Variants in COL25A1 observed in about 807,000 individuals in gnomAD.
The protein encoded by COL25A1 is collagen type XXV alpha 1 chain.
In COL25A1, 103 loss-of-function variants were observed where a neutral mutation model predicts 128.4. The ratio of observed to expected loss-of-function variants is 0.80; its 90% confidence interval spans 0.68 to 0.94. The LOEUF is 0.94. Among genes scored for constraint, COL25A1 ranks in the 40% least tolerant of loss-of-function variants. The pLI, the probability that COL25A1 is intolerant of heterozygous loss-of-function variation, is 0.00. For synonymous variants in COL25A1, 279 were observed against 277.2 expected (o/e 1.01, Z -0.06); for missense variants, 745 against 840.0 (o/e 0.89, Z 1.40).
chr4:108,881,171 C>T (rs1740074183), intron 19 of COL25A1, among the ~76,000 whole-genome samples: 2 of 152,144 alleles, frequency 1.3e-5, no homozygotes, highest in Non-Finnish European at 2.9e-5. Context: ...TATGCCTGTT[C>T]TCAGTGACTT....
chr4:109,220,148 C>CA (rs1778311423), intron 3 of COL25A1, among the ~76,000 whole-genome samples: 2 of 152,132 alleles, frequency 1.3e-5, no homozygotes, highest in South Asian at 2.1e-4. Context: ...AAAATTCATC[C>CA]AAAAAACACA....
chr4:108,835,861 C>T (rs1292263338), intron 31 of COL25A1, among the ~76,000 whole-genome samples: 82 of 45,712 alleles, frequency 1.8e-3, no homozygotes, highest in Non-Finnish European at 2.7e-3. Context: ...TTACATACGT[C>T]TTTTTTTTTT....
At chr4:109,106,486 A>T (rs926143890) in intron 3 of COL25A1, among the ~76,000 whole-genome samples, 4 of 152,072 alleles carry the variant, frequency 2.6e-5, no homozygotes, top group Middle Eastern at 3.2e-3. Context: ...TGTGATTAAG[A>T]CTGTTATGCT....
intron 3 of COL25A1, among the ~76,000 whole-genome samples, chr4:109,289,146 G>A (rs72672627): frequency 2.6e-4 from 39 of 152,096 alleles, no homozygotes; most frequent in Middle Eastern, 3.4e-3. Context: ...CTGATTCTTT[G>A]AGAGCTGTTT....
intron 8 of COL25A1, among the ~76,000 whole-genome samples, chr4:108,958,159 T>C (rs1343374712): frequency 1.3e-5 from 2 of 152,076 alleles, no homozygotes; most frequent in African/African-American, 4.8e-5. Context: ...CAAAAAAAAA[T>C]CAAATAATAC....
intron 3 of COL25A1, among the ~76,000 whole-genome samples, chr4:109,199,324 T>C (rs865923720): frequency 6.1e-4 from 93 of 152,048 alleles, no homozygotes; most frequent in African/African-American, 1.8e-3. Flanking sequence ...TGTTTTTCTT[T>C]TTCTAGAGAC....
At chr4:108,879,634 A>T (rs1475641447) in intron 19 of COL25A1, among the ~76,000 whole-genome samples, 1 of 151,838 alleles carries the variant, frequency 6.6e-6, no homozygotes, top group South Asian at 2.1e-4. Flanking sequence ...TTTAGTAGAG[A>T]TGTGGTTTCA....
At chr4:108,954,806 A>G (rs1461775699) in intron 8 of COL25A1, among the ~76,000 whole-genome samples, 2 of 152,116 alleles carry the variant, frequency 1.3e-5, no homozygotes, top group Non-Finnish European at 2.9e-5. Context: ...GCTGTTAAAT[A>G]AAAGAGAAAA....
intron 6 of COL25A1, among the ~76,000 whole-genome samples, chr4:108,987,583 C>G (rs1158269710): frequency 6.6e-6 from 1 of 152,034 alleles, no homozygotes; most frequent in Non-Finnish European, 1.5e-5. Flanking sequence ...ACCATCTTGG[C>G]CAGGCTGATC....
chr4:109,168,828 A>G (rs1005125878), intron 3 of COL25A1, among the ~76,000 whole-genome samples: 2 of 152,200 alleles, frequency 1.3e-5, no homozygotes, highest in African/African-American at 4.8e-5. Context: ...TTTTTAAACC[A>G]AATTTCTTAG....
intron 3 of COL25A1, among the ~76,000 whole-genome samples, chr4:109,081,469 T>C (rs1763829174): frequency 6.6e-6 from 1 of 152,180 alleles, no homozygotes; most frequent in Non-Finnish European, 1.5e-5. Context: ...TTTTGGTGTG[T>C]TTTTTGGTAA....
intron 3 of COL25A1, among the ~76,000 whole-genome samples, chr4:109,241,939 A>T (rs1006795133): frequency 7.9e-5 from 12 of 151,550 alleles, no homozygotes; most frequent in South Asian, 2.1e-4. Flanking sequence ...CTTTTTTTTT[A>T]AAAGTTGAAA....
At chr4:108,826,668 T>C (rs1732424059) in intron 33 of COL25A1, among the ~76,000 whole-genome samples, 1 of 152,192 alleles carries the variant, frequency 6.6e-6, no homozygotes, top group African/African-American at 2.4e-5. Context: ...TAAATATCAA[T>C]GTAATTGGGG....
intron 3 of COL25A1, among the ~76,000 whole-genome samples, chr4:109,141,661 G>A (rs1181069452): frequency 3.9e-5 from 6 of 152,180 alleles, no homozygotes; most frequent in Non-Finnish European, 8.8e-5. Context: ...TTTAGTCTTG[G>A]AAGGGTGTAT....
chr4:109,263,247 T>C (rs746819185), intron 3 of COL25A1, among the ~76,000 whole-genome samples: 2 of 152,222 alleles, frequency 1.3e-5, no homozygotes, highest in Non-Finnish European at 2.9e-5. Flanking sequence ...AGATATATTT[T>C]AAAAGAACAC....
At chr4:109,254,505 A>ATATGTGTG (rs1383703429) in intron 3 of COL25A1, among the ~76,000 whole-genome samples, 22 of 105,014 alleles carry the variant, frequency 2.1e-4, no homozygotes, top group East Asian at 1.8e-3. Flanking sequence ...ATATATATAT[A>ATATGTGTG]TGTATGTGTG....
At chr4:109,180,706 T>C (rs17040052) in intron 3 of COL25A1, among the ~76,000 whole-genome samples, 9,195 of 152,124 alleles carry the variant, frequency 0.06, 484 homozygotes, top group African/African-American at 0.14. Flanking sequence ...ATTAAGTTTA[T>C]AAAATAAGCT....
At chr4:109,131,379 T>C (rs144055162) in intron 3 of COL25A1, among the ~76,000 whole-genome samples, 1 of 152,294 alleles carries the variant, frequency 6.6e-6, no homozygotes, top group African/African-American at 2.4e-5. Flanking sequence ...CCCTCTATAC[T>C]GATGTGGCAG....
chr4:109,284,651 A>T (rs1039962701), intron 3 of COL25A1, among the ~76,000 whole-genome samples: 2 of 152,222 alleles, frequency 1.3e-5, no homozygotes, highest in African/African-American at 4.8e-5. Flanking sequence ...GAATCAGAAG[A>T]AAACACCATT....
Sources: gnomAD v4.1 joint callset for allele counts (sites outside exome capture counted in the v4.1 genomes callset) on GRCh38, gnomAD v4.1.1 for gene constraint, MANE v1.5 for transcripts, NCBI Gene and HGNC (gene_info 2026-07-23, HGNC 2026-07-21) for gene names.